Variants in MEGF11 observed in about 807,000 individuals in gnomAD.
The protein encoded by MEGF11 is multiple epidermal growth factor-like domains protein 11.
A neutral mutation model predicts 146.6 loss-of-function variants in MEGF11; 126 were observed. The ratio of observed to expected loss-of-function variants is 0.86; its 90% CI spans 0.74 to 1.00. The LOEUF is 1.00. Ranked by LOEUF, MEGF11 falls within the 50% of genes least tolerant of loss-of-function variation. MEGF11 has a pLI of 0.00. For synonymous variants in MEGF11, 532 were observed against 583.4 expected (o/e 0.91, Z 1.27); for missense variants, 1,509 against 1,521.2 (o/e 0.99, Z 0.13).
chr15:66,039,798 G>A (rs551640811), intron 5 of MEGF11, among the ~76,000 whole-genome samples: 14 of 115,306 alleles, frequency 1.2e-4, no homozygotes, highest in South Asian at 4.0e-4. Context: ...GGGTCAGGCG[G>A]CGGTGGGGTG....
intron 4 of MEGF11, among the ~76,000 whole-genome samples, chr15:66,103,196 C>T (rs559434099): frequency 1.3e-5 from 2 of 152,360 alleles, no homozygotes; most frequent in African/African-American, 4.8e-5. Flanking sequence ...CATATCCCAT[C>T]AGCTAAAATC....
intron 19 of MEGF11, among the ~76,000 whole-genome samples, chr15:65,914,983 A>G (rs534833450): frequency 1.9e-4 from 29 of 152,188 alleles, no homozygotes; most frequent in Non-Finnish European, 3.7e-4. Flanking sequence ...TTTAGGCCCT[A>G]TGAGGTGTCA....
intron 4 of MEGF11, among the ~76,000 whole-genome samples, chr15:66,115,790 C>A (rs988636531): frequency 3.3e-5 from 5 of 152,284 alleles, no homozygotes; most frequent in African/African-American, 1.2e-4. Context: ...TGTGAAGCCA[C>A]GGGAAGAACA....
chr15:66,027,690 G>T (rs1481406265), intron 5 of MEGF11, among the ~76,000 whole-genome samples: 2 of 152,130 alleles, frequency 1.3e-5, no homozygotes, highest in Non-Finnish European at 2.9e-5. Flanking sequence ...TTGGGTGGGG[G>T]TGGCAAGAAT....
In MEGF11 at chr15:66,233,422, G is replaced by A. The variant is rs151069833; in HGVS notation, c.-9+20183C>T. Among the ~76,000 whole-genome samples, 1,513 of 152,244 alleles carry A rather than the reference G, an allele frequency of 9.9e-3. 30 individuals are homozygous for A. Among genetic ancestry groups the A allele is most frequent in the African/African-American group, 0.033 (1,377 of 41,548 alleles). On this transcript the variant is annotated intron_variant, in intron 1 of 25. Transcript: ENST00000395614. Reference sequence around the variant, plus strand: ...GGCTAATTTTTGTATTTTTAGTAGAGACAGGATTTCACTATGTTGGTCAGG... The same window carrying A: ...GGCTAATTTTTGTATTTTTAGTAGAAACAGGATTTCACTATGTTGGTCAGG...
At chr15:65,970,426 G>T (rs2081263978) in intron 8 of MEGF11, 127 bp downstream of exon 8, 73 of 1,060,196 alleles carry the variant, frequency 6.9e-5, no homozygotes, top group East Asian at 1.1e-4. Flanking sequence ...TGGCAGGAGA[G>T]CTCAGAGTGC....
chr15:66,229,290 C>A (rs371619347), intron 1 of MEGF11, among the ~76,000 whole-genome samples: 5 of 152,068 alleles, frequency 3.3e-5, no homozygotes, highest in East Asian at 3.9e-4. Context: ...AGCCCCAATG[C>A]GCACCAGGGC....
chr15:66,067,628 G>T (rs1368113486), intron 5 of MEGF11, among the ~76,000 whole-genome samples: 1 of 152,156 alleles, frequency 6.6e-6, no homozygotes, highest in Non-Finnish European at 1.5e-5. Context: ...CTCCTTTTCT[G>T]CTCACTGAGG....
At chr15:66,243,163 GTT>G (rs1417638319) in intron 1 of MEGF11, among the ~76,000 whole-genome samples, 5 of 152,208 alleles carry the variant, frequency 3.3e-5, no homozygotes, top group Non-Finnish European at 2.9e-5. Flanking sequence ...CCGGATCTCG[GTT>G]TCCCCATTTG....
intron 1 of MEGF11, among the ~76,000 whole-genome samples, chr15:66,185,793 C>T (rs1388633532): frequency 1.3e-5 from 2 of 152,142 alleles, no homozygotes; most frequent in African/African-American, 2.4e-5. Flanking sequence ...AGGGAGCAGG[C>T]TTGGTCTTTG....
intron 5 of MEGF11, among the ~76,000 whole-genome samples, chr15:66,032,788 A>G (rs1343847849): frequency 6.6e-6 from 1 of 152,254 alleles, no homozygotes; most frequent in South Asian, 2.1e-4. Flanking sequence ...AACTGATTAC[A>G]GTAAAGTAAG....
intron 5 of MEGF11, among the ~76,000 whole-genome samples, chr15:66,058,059 C>T (rs1401384348): frequency 6.6e-6 from 1 of 152,054 alleles, no homozygotes; most frequent in East Asian, 1.9e-4. Flanking sequence ...TTAATATTAG[C>T]ATCTCCACAA....
At chr15:66,060,179 G>A (rs1341265146) in intron 5 of MEGF11, among the ~76,000 whole-genome samples, 1 of 152,036 alleles carries the variant, frequency 6.6e-6, no homozygotes, top group East Asian at 1.9e-4. Context: ...TGACGGCTAA[G>A]GAGTCAGAGG....
chr15:66,154,950 C>T (rs1000052262), intron 1 of MEGF11, among the ~76,000 whole-genome samples: 2 of 152,232 alleles, frequency 1.3e-5, no homozygotes. Flanking sequence ...CCCCAAGGAA[C>T]CATCAAGCTC....
intron 10 of MEGF11, among the ~76,000 whole-genome samples, chr15:65,945,150 C>A (rs1275770112): frequency 6.6e-6 from 1 of 152,228 alleles, no homozygotes; most frequent in Non-Finnish European, 1.5e-5. Context: ...CCCTCCTCGG[C>A]CTCCTAAACT....
chr15:66,159,410 C>A (rs1002572566), intron 1 of MEGF11, among the ~76,000 whole-genome samples: 1 of 152,226 alleles, frequency 6.6e-6, no homozygotes, highest in South Asian at 2.1e-4. Context: ...AAATGAATGA[C>A]CCATTCCTAG....
rs193162182 is a variant in MEGF11, at chr15:66,042,661, C to G, written c.394+51741G>C. 2.6e-5 allele frequency among the ~76,000 whole-genome samples: 4 copies of G among 152,318 alleles called. No individual in the cohort carries two copies. In the East Asian group the frequency reaches 7.7e-4, roughly 29 times the overall value. On this transcript the variant is annotated intron_variant, in intron 5 of 25. Transcript: ENST00000395614. Reference sequence around the variant, plus strand: ...CAAGTCCTGGCAGGGACACACTCCCCCTGAAACCTGTTAGGGCAGTCCCTC... The same window carrying G: ...CAAGTCCTGGCAGGGACACACTCCCGCTGAAACCTGTTAGGGCAGTCCCTC...
intron 5 of MEGF11, among the ~76,000 whole-genome samples, chr15:66,075,223 G>T (rs1374789010): frequency 6.6e-6 from 1 of 152,100 alleles, no homozygotes; most frequent in Non-Finnish European, 1.5e-5. Flanking sequence ...AATATATCAG[G>T]CCCCTAATAA....
intron 4 of MEGF11, among the ~76,000 whole-genome samples, chr15:66,100,404 GC>G (rs1228881555): frequency 6.6e-6 from 1 of 152,156 alleles, no homozygotes; most frequent in Non-Finnish European, 1.5e-5. Flanking sequence ...AGGGACAAGG[GC>G]CGCACTTCAA....
Sources: allele counts gnomAD v4.1 joint callset (sites outside exome capture counted in the v4.1 genomes callset), GRCh38; gene constraint gnomAD v4.1.1; transcripts MANE v1.5; gene names NCBI Gene and HGNC (gene_info 2026-07-23, HGNC 2026-07-21).